PHF24: variants seen among roughly 807,000 people sequenced by gnomAD.
PHF24 encodes PHD finger protein 24, also known as Galpha inhibitory interacting protein.
In PHF24, 25 loss-of-function variants were observed where a neutral mutation model predicts 42.6. The observed-to-expected ratio is 0.59, with a 90% CI of 0.43 to 0.82. The LOEUF (loss-of-function observed/expected upper bound fraction) is 0.82. PHF24 is among the 40% of genes least tolerant of loss of function. The pLI, the probability that PHF24 is intolerant of heterozygous loss-of-function variation, is 0.00. For missense variants in PHF24, 470 were observed against 538.1 expected (o/e 0.87, Z 1.25); for synonymous variants, 185 against 204.8 (o/e 0.90, Z 0.83).
At chr9:34,892,446 C>T in the PHF24 span, among the ~76,000 whole-genome samples, 1 of 152,216 alleles carries the variant, frequency 6.6e-6, no homozygotes, top group Non-Finnish European at 1.5e-5. Flanking sequence ...GTGGTATAAG[C>T]TGCCCTGTAC....
At chr9:34,934,813 G>C in the PHF24 span, among the ~76,000 whole-genome samples, 1 of 152,116 alleles carries the variant, frequency 6.6e-6, no homozygotes, top group Non-Finnish European at 1.5e-5. Context: ...AATGGGTGCT[G>C]AATAATGTAG....
the PHF24 span, among the ~76,000 whole-genome samples, chr9:34,873,286 A>G: frequency 1.3e-5 from 2 of 152,018 alleles, no homozygotes; most frequent in African/African-American, 2.4e-5. Context: ...GCCCATGCCT[A>G]TGTCCTGAAT....
the PHF24 span, among the ~76,000 whole-genome samples, chr9:34,952,452 A>T: frequency 2.3e-4 from 35 of 152,338 alleles, no homozygotes; most frequent in African/African-American, 8.4e-4. Flanking sequence ...TCCCAAACTA[A>T]AGATTTAGCG....
chr9:34,723,762 T>A, the PHF24 span: 1 of 1,551,676 alleles, frequency 6.4e-7, no homozygotes, highest in Non-Finnish European at 8.7e-7. Context: ...GGCAACACAG[T>A]CTGGGCATTC....
At chr9:34,936,419 C>T in the PHF24 span, among the ~76,000 whole-genome samples, 9 of 152,222 alleles carry the variant, frequency 5.9e-5, no homozygotes, top group African/African-American at 2.2e-4. Context: ...CGGCTCGCTA[C>T]AACCTCCACC....
chr9:34,709,917 G>T, the PHF24 span: 1 of 1,614,186 alleles, frequency 6.2e-7, no homozygotes. Context: ...GGGATTCACA[G>T]GGAGCCAGGG....
the PHF24 span, among the ~76,000 whole-genome samples, chr9:34,840,291 A>G: frequency 6.6e-6 from 1 of 152,042 alleles, no homozygotes; most frequent in Non-Finnish European, 1.5e-5. Flanking sequence ...AATCACTTCT[A>G]TCAGGTTCTT....
chr9:34,924,185 C>A, the PHF24 span, among the ~76,000 whole-genome samples: 17 of 152,070 alleles, frequency 1.1e-4, no homozygotes, highest in Non-Finnish European at 2.1e-4. Context: ...TTTCAGTTTT[C>A]CTGAAATTTT....
chr9:34,909,506 C>G, the PHF24 span, among the ~76,000 whole-genome samples: 10 of 151,902 alleles, frequency 6.6e-5, no homozygotes, highest in South Asian at 1.7e-3. Context: ...GTATGCTTCT[C>G]TGTCTGTCAC....
the PHF24 span, among the ~76,000 whole-genome samples, chr9:34,813,809 C>T: frequency 6.6e-6 from 1 of 152,184 alleles, no homozygotes; most frequent in Admixed American, 6.5e-5. Flanking sequence ...TATCCACCCA[C>T]AGACTCAAGA....
chr9:34,766,320 C>T, the PHF24 span, among the ~76,000 whole-genome samples: 38 of 152,326 alleles, frequency 2.5e-4, no homozygotes, highest in Non-Finnish European at 3.4e-4. Context: ...CCATTCTCCC[C>T]GTCACTTTCA....
At chr9:34,922,832 A>G in the PHF24 span, 1 of 1,591,734 alleles carries the variant, frequency 6.3e-7, no homozygotes, top group East Asian at 2.2e-5. Context: ...CTCCTTGCTC[A>G]GTTACAGACT....
chr9:34,921,910 T>C, the PHF24 span, among the ~76,000 whole-genome samples: 1 of 152,210 alleles, frequency 6.6e-6, no homozygotes, highest in African/African-American at 2.4e-5. Context: ...AGCCACAATG[T>C]ACCAAAAGTA....
At chr9:34,676,803 A>G in the PHF24 span, among the ~76,000 whole-genome samples, 1 of 152,186 alleles carries the variant, frequency 6.6e-6, no homozygotes. Context: ...CTCATATGGC[A>G]GGGGAAGGAG....
At chr9:34,681,826 G>GA in the PHF24 span, among the ~76,000 whole-genome samples, 2 of 151,954 alleles carry the variant, frequency 1.3e-5, no homozygotes, top group Admixed American at 6.5e-5. Context: ...AGAAGAAGAA[G>GA]AAAAAAAAAG....
the PHF24 span, chr9:34,709,771 A>G: frequency 1.2e-6 from 2 of 1,612,884 alleles, no homozygotes; most frequent in Non-Finnish European, 1.7e-6. Flanking sequence ...CTTTGTGTCC[A>G]CTCACAGGAT....
the PHF24 span, among the ~76,000 whole-genome samples, chr9:34,721,401 CTCTCT>C: frequency 2.8e-5 from 1 of 36,072 alleles, no homozygotes; most frequent in East Asian, 1.6e-3. Context: ...TCTTTCCATT[CTCTCT>C]CTCTCTCTCT....
chr9:34,691,686 T>A, the PHF24 span, among the ~76,000 whole-genome samples: 1 of 152,172 alleles, frequency 6.6e-6, no homozygotes, highest in Non-Finnish European at 1.5e-5. Context: ...TGAAGAAGGC[T>A]CCCTGGCACC....
the PHF24 span, among the ~76,000 whole-genome samples, chr9:34,700,885 C>T: frequency 6.6e-6 from 1 of 152,118 alleles, no homozygotes; most frequent in Non-Finnish European, 1.5e-5. Flanking sequence ...AGGACACAGG[C>T]CCGGTGTGTG....
Sources: gnomAD v4.1 joint callset for allele counts (sites outside exome capture counted in the v4.1 genomes callset) on GRCh38, gnomAD v4.1.1 for gene constraint, MANE v1.5 for transcripts, NCBI Gene and HGNC (gene_info 2026-07-23, HGNC 2026-07-21) for gene names.